Variants in AP5Z1 observed in about 807,000 individuals in gnomAD.
AP5Z1 encodes adaptor related protein complex 5 subunit zeta 1.
AP5Z1 carries 106 observed loss-of-function variants against 83.0 expected under a neutral mutation model. That is an observed-to-expected ratio of 1.28 (90% CI 1.09 to 1.50). AP5Z1 has a LOEUF of 1.50. Among genes scored for constraint, AP5Z1 ranks in the 40% most tolerant of loss-of-function variants. The pLI, the probability that AP5Z1 is intolerant of heterozygous loss-of-function variation, is 0.00. For synonymous variants in AP5Z1, 751 were observed against 514.1 expected, an observed-to-expected ratio of 1.46 and a Z score of -6.23; for missense variants, 1,565 against 1,094.2, an observed-to-expected ratio of 1.43 and a Z score of -6.07.
Position 4,793,146 on chromosome 7 carries a change from A to C in AP5Z1, c.*1761A>C, listed in dbSNP as rs551815433. The C allele has an allele frequency of 6.6e-6, 1 of 152,434 alleles. No homozygotes were observed. The highest frequency in any genetic ancestry group is 1.9e-4 in the East Asian group (1 of 5,168). The allele number at this position is 152,434 out of a possible 1,614,324, so 9.4% of individuals were successfully genotyped here. On this transcript the variant is annotated 3_prime_UTR_variant, in exon 17 of 17. Coordinates refer to ENST00000649063, the MANE Select transcript of AP5Z1 (RefSeq NM_014855.3). ...CCCGCTCATCCAAGGGACAAGGAGGAGCTCATGGCCACAGGGCCTCGGAGG... is the reference window on the plus strand; with the variant it reads ...CCCGCTCATCCAAGGGACAAGGAGGCGCTCATGGCCACAGGGCCTCGGAGG...
At position 4,791,313 on chromosome 7, in the gene AP5Z1, C is replaced by T; in HGVS notation, c.2352C>T (p.Asn784=). The change falls in exon 17 of 17, where the codon AAC becomes AAT. Residue 784 remains asparagine, a synonymous_variant. Transcript: ENST00000649063. ...VCSPRYHRDA[N]TALPLALRTV... ...GCCCCCGCTATCACCGCGATGCCAA[C>T]ACGGCCCTGCCCCTGGCCCTGCGCA... The T allele has an allele frequency of 1.2e-6, 2 of 1,611,976 alleles. No homozygotes were observed. Among genetic ancestry groups the T allele is most frequent in the Non-Finnish European group, 1.7e-6 (2 of 1,179,608 alleles).
intron 10 of AP5Z1, 121 bp from the exon 11 acceptor site, chr7:4,787,513 A>T: frequency 7.2e-7 from 1 of 1,380,032 alleles, no homozygotes; most frequent in Non-Finnish European, 9.5e-7. Context: ...GAGGAGGCAA[A>T]GGTAGAAGCC....
intron 14 of AP5Z1, chr7:4,790,171 TC>T: frequency 2.0e-6 from 3 of 1,525,906 alleles, no homozygotes; most frequent in South Asian, 2.4e-5. Flanking sequence ...TTAGCTCAGG[TC>T]CCTCTTCCCC....
chr7:4,792,342 C>A lies in AP5Z1; in HGVS notation c.*957C>A, dbSNP rs781185378. ...ACTCTGGCTCCGCCCCCGGTCTCCT[C>A]TTTTGCTCTGGCCCCGCCCACCTCC... On this transcript the variant is annotated 3_prime_UTR_variant, in exon 17 of 17. Transcript: ENST00000649063. 6.6e-6 allele frequency: 1 copy of A among 151,710 alleles called. No homozygotes were observed. Among genetic ancestry groups the A allele is most frequent in the African/African-American group, 2.4e-5 (1 of 41,238 alleles). The allele number at this position is 151,710 out of a possible 1,614,324, so 9.4% of individuals were successfully genotyped here. A position where few individuals can be genotyped will look rare whatever the true frequency, so the allele number is the denominator to read the frequency against.
intron 1 of AP5Z1, among the ~76,000 whole-genome samples, chr7:4,778,866 A>G (rs1470436730): frequency 6.9e-6 from 1 of 145,072 alleles, no homozygotes; most frequent in Non-Finnish European, 1.5e-5. Context: ...ATAATATTTT[A>G]TATATAATCA....
chr7:4,788,497 C>T lies in AP5Z1; in HGVS notation c.1595+203C>T, dbSNP rs999089930. 20 of 640,226 alleles carry T rather than the reference C, an allele frequency of 3.1e-5. No homozygotes were observed. The South Asian group carries it at 3.5e-4, about 11-fold the overall frequency. 39.7% of individuals were successfully genotyped at this position (640,226 alleles called of 1,614,324 possible). A position where few individuals can be genotyped will look rare whatever the true frequency, so the allele number is the denominator to read the frequency against. ...GGGCGGGGCCTGGTCTCAGCTCTCTCTGCTGCCCACATCAACCCTCATAAG... is the reference window on the plus strand; with the variant it reads ...GGGCGGGGCCTGGTCTCAGCTCTCTTTGCTGCCCACATCAACCCTCATAAG... On this transcript the variant is annotated intron_variant, in intron 12 of 16. Transcript: ENST00000649063.
In AP5Z1 at chr7:4,781,216, T is replaced by A. The variant is rs747982584; in HGVS notation, c.83T>A (p.Ile28Asn). ...DEELKKFCSR[I>N]CKLLQAEDLG... Reference sequence around the variant, plus strand: ...GAGCTGAAGAAGTTCTGTTCCCGGATCTGTAAACTGCTGCAGGCGGAGGAC... The same window carrying A: ...GAGCTGAAGAAGTTCTGTTCCCGGAACTGTAAACTGCTGCAGGCGGAGGAC... The change falls in exon 2 of 17, where the codon ATC becomes AAC. Residue 28 changes from isoleucine to asparagine, a missense_variant. Transcript: ENST00000649063. 195 of 1,613,848 alleles carry A rather than the reference T, an allele frequency of 1.2e-4. No homozygotes were observed. Among genetic ancestry groups the A allele is most frequent in the Non-Finnish European group, 1.6e-4 (190 of 1,179,888 alleles).
intron 9 of AP5Z1, 22 bp downstream of exon 9, chr7:4,785,706 G>T: frequency 5.4e-6 from 8 of 1,472,514 alleles, no homozygotes; most frequent in Non-Finnish European, 7.2e-6. Context: ...GTGGGGTGGC[G>T]CTGACTCGGG....
intron 14 of AP5Z1, 78 bp downstream of exon 14, chr7:4,790,007 C>CCCCCCCCCGG: frequency 8.8e-7 from 1 of 1,142,444 alleles, no homozygotes; most frequent in Non-Finnish European, 1.2e-6. Flanking sequence ...TCCCCCCTCC[C>CCCCCCCCCGG]CTTCAGTGGC....
In AP5Z1 at chr7:4,785,063, C is replaced by G. The variant is rs765996190; in HGVS notation, c.931+15C>G. The stretch of plus-strand genomic sequence containing the variant: ...AAGTAACCGACGTGAGTCCCCCACC[C>G]AGGGCACTGGCCTCCCCAGGGCTCG... On this transcript the variant is annotated intron_variant, in intron 7 of 16. Transcript: ENST00000649063. 7.6e-6 allele frequency: 12 copies of G among 1,584,506 alleles called. No individual in the cohort carries two copies. The highest frequency in any genetic ancestry group is 1.0e-5 in the Non-Finnish European group (12 of 1,161,682).
chr7:4,788,647 G>A (rs994502057), intron 12 of AP5Z1, 193 bp from the exon 13 acceptor site: 22 of 546,378 alleles, frequency 4.0e-5, no homozygotes, highest in East Asian at 2.2e-4. Flanking sequence ...CCTTTGTCCC[G>A]ATGGCTTTAC....
intron 14 of AP5Z1, chr7:4,790,199 T>A (rs1307924217): frequency 6.5e-7 from 1 of 1,545,466 alleles, no homozygotes; most frequent in Non-Finnish European, 8.7e-7. Context: ...TCCCCTGGGG[T>A]CCTTCTCTCC....
Position 4,790,876 on chromosome 7 carries a change from T to C in AP5Z1, c.2142T>C (p.Asp714=). The C allele has an allele frequency of 6.2e-7, 1 of 1,603,364 alleles. No individual in the cohort carries two copies. Among genetic ancestry groups the C allele is most frequent in the East Asian group, 2.2e-5 (1 of 44,484 alleles). The change falls in exon 16 of 17, where the codon GAT becomes GAC. Residue 714 remains aspartate, a synonymous_variant. Coordinates refer to ENST00000649063, the MANE Select transcript of AP5Z1 (RefSeq NM_014855.3). ...CGAAGCTGGCCTCCCGGAGCCAAGA[T>C]CTGATCCCCAGGTGCCTGGTCAGGG... ...TLTKLASRSQ[D]LIPRASLLLS...
Position 4,786,251 on chromosome 7 carries a change from G to T in AP5Z1, c.1134G>T (p.Gly378=). Reference sequence around the variant, plus strand: ...CCCTGGCGGGCCCTGGTCTTGCAGGGGAAGCGGCTGCAGTGGACTCGGAAG... The same window carrying T: ...CCCTGGCGGGCCCTGGTCTTGCAGGTGAAGCGGCTGCAGTGGACTCGGAAG... The part of the protein sequence containing the change: ...LPLAHFFLSH[G]EAAAVDSEAV... The change falls in exon 10 of 17, where the codon GGG becomes GGT. Residue 378 remains glycine (G), a splice_region_variant and synonymous_variant. Transcript: ENST00000649063. The T allele has an allele frequency of 1.9e-6, 3 of 1,601,418 alleles. No individual in the cohort carries two copies. The highest frequency in any genetic ancestry group is 8.5e-7 in the Non-Finnish European group (1 of 1,172,424).
chr7:4,781,801 CA>C (rs1781390228), intron 3 of AP5Z1, 47 bp downstream of exon 3: 7 of 1,497,880 alleles, frequency 4.7e-6, no homozygotes, highest in Non-Finnish European at 6.3e-6. Context: ...GGCTGCTTCC[CA>C]AGGAACAGGG....
intron 2 of AP5Z1, 41 bp from the exon 3 acceptor site, chr7:4,781,527 C>G: frequency 6.3e-7 from 1 of 1,590,232 alleles, no homozygotes; most frequent in South Asian, 1.1e-5. Flanking sequence ...CTGCCACGGT[C>G]GTGACGTGTT....
intron 7 of AP5Z1, 123 bp from the exon 8 acceptor site, chr7:4,785,292 C>G (rs1344263077): frequency 3.1e-5 from 43 of 1,390,316 alleles, no homozygotes; most frequent in Non-Finnish European, 4.1e-5. Flanking sequence ...TCAAGTCCTC[C>G]TGGGGGCCTG....
rs757364334 is a variant in AP5Z1 at position 4,788,235 on chromosome 7, G to A, written c.1536G>A (p.Pro512=). The change falls in exon 12 of 17, where the codon CCG becomes CCA. Residue 512 remains proline (P), a synonymous_variant. Transcript: ENST00000649063. ...GCTGCCTGGAGGCCTTCCGGGACCC[G>A]CAGTTCCAGGGTCTTTTCCAATACC... ...APSCLEAFRD[P]QFQGLFQYLL... 82 of 1,579,130 alleles carry A rather than the reference G, an allele frequency of 5.2e-5. No homozygotes were observed. Among genetic ancestry groups the A allele is most frequent in the Middle Eastern group, 2.0e-4 (1 of 4,976 alleles).
At chr7:4,786,550 C>T (rs1332163158) in intron 10 of AP5Z1, 122 bp downstream of exon 10, 1 of 1,154,708 alleles carries the variant, frequency 8.7e-7, no homozygotes, top group African/African-American at 1.5e-5. Context: ...GAGTCCCGGG[C>T]CTGGAATGCG....
Sources: allele counts gnomAD v4.1 joint callset (sites outside exome capture counted in the v4.1 genomes callset), GRCh38; gene constraint gnomAD v4.1.1; transcripts MANE v1.5; gene names NCBI Gene and HGNC (gene_info 2026-07-23, HGNC 2026-07-21).